Variants in PCDHGA6 observed in about 807,000 individuals in gnomAD.
PCDHGA6 encodes the protein protocadherin gamma subfamily A, 6.
PCDHGA6 carries 41 observed loss-of-function variants against 60.6 expected under a neutral mutation model. That is an observed-to-expected ratio of 0.68 (90% CI 0.53 to 0.88). The LOEUF (loss-of-function observed/expected upper bound fraction) is 0.88, where lower values mean the gene tolerates loss of function less well. Ranked by LOEUF, PCDHGA6 falls within the 40% of genes least tolerant of loss-of-function variation. PCDHGA6 has a pLI of 0.00. For missense variants in PCDHGA6, 1,312 were observed against 1,203.0 expected, an observed-to-expected ratio of 1.09 and a Z score of -1.34; for synonymous variants, 594 against 524.4, an observed-to-expected ratio of 1.13 and a Z score of -1.81.
chr5:141,489,944 T>A lies in PCDHGA6; in HGVS notation c.2425-4863T>A. On this transcript the variant is annotated intron_variant, in intron 1 of 3. Coordinates refer to ENST00000517434, the MANE Select transcript of PCDHGA6 (RefSeq NM_018919.3). The surrounding 1 kb of genome is among the most constrained non-coding windows in gnomAD (Gnocchi z 4.5). ...CTTATCTCTGTCATCGTGCTGGACA[T>A]CAATGATAATGCTCCAACCTTCCAA... 1 of 1,614,172 alleles carries A rather than the reference T, an allele frequency of 6.2e-7. No individual in the cohort carries two copies. The highest frequency in any genetic ancestry group is 8.5e-7 in the Non-Finnish European group (1 of 1,180,010).
intron 1 of PCDHGA6, among the ~76,000 whole-genome samples, chr5:141,473,910 A>G (rs1165685707): frequency 6.6e-6 from 1 of 152,168 alleles, no homozygotes; most frequent in Non-Finnish European, 1.5e-5. Flanking sequence ...AAGAGGTCTT[A>G]AGAAAACTAT....
intron 1 of PCDHGA6, chr5:141,399,316 T>C (rs1281033457): frequency 6.2e-7 from 1 of 1,613,772 alleles, no homozygotes; most frequent in Non-Finnish European, 8.5e-7. Flanking sequence ...ATCCAAAAAT[T>C]CGTATAAGTT....
intron 1 of PCDHGA6, chr5:141,393,020 A>G: frequency 2.5e-6 from 4 of 1,613,760 alleles, no homozygotes; most frequent in Non-Finnish European, 3.4e-6. Flanking sequence ...TCGTCTCCAG[A>G]GGTAGGACGC....
rs1025148587 is a variant in PCDHGA6 at position 141,431,434 on chromosome 5, C to A, written c.2424+54927C>A. ...GGGGCGACCCGGTGCGCACAGGCAC[C>A]GCGCGCATCCGCGTGATGGTTCTGG... On this transcript the variant is annotated intron_variant, in intron 1 of 3. Transcript: ENST00000517434. This position sits in a 1 kb window ranked among gnomAD's most constrained non-coding sequence, Gnocchi z 4.8. 1.2e-6 allele frequency: 2 copies of A among 1,613,690 alleles called. No homozygotes were observed. Among genetic ancestry groups the A allele is most frequent in the Admixed American group, 1.7e-5 (1 of 60,014 alleles).
chr5:141,433,162 A>G, intron 1 of PCDHGA6: 1 of 1,613,890 alleles, frequency 6.2e-7, no homozygotes, highest in Non-Finnish European at 8.5e-7. Flanking sequence ...TATTTTCTAA[A>G]GACAGTCATG....
chr5:141,490,808 A>C lies in PCDHGA6; in HGVS notation c.2425-3999A>C. On this transcript the variant is annotated intron_variant, in intron 1 of 3. Coordinates refer to ENST00000517434, the MANE Select transcript of PCDHGA6 (RefSeq NM_018919.3). The surrounding 1 kb of genome is among the most constrained non-coding windows in gnomAD (Gnocchi z 5.4). The stretch of plus-strand genomic sequence containing the variant: ...CGGATCTTTGCCCAGCGTACCTTTG[A>C]CTATGAATTGCTGCAGATGCTGCAG... 1 of 1,613,884 alleles carries C rather than the reference A, an allele frequency of 6.2e-7. No homozygotes were observed. The highest frequency in any genetic ancestry group is 8.5e-7 in the Non-Finnish European group (1 of 1,179,874).
At chr5:141,384,890 TG>T in intron 1 of PCDHGA6, 1 of 1,613,868 alleles carries the variant, frequency 6.2e-7, no homozygotes, top group Non-Finnish European at 8.5e-7. Flanking sequence ...ACCGTGGCTG[TG>T]GCTGACAGCA....
chr5:141,423,310 G>C, intron 1 of PCDHGA6: 2 of 1,614,180 alleles, frequency 1.2e-6, no homozygotes, highest in Non-Finnish European at 1.7e-6. Context: ...GCTGTACTTG[G>C]TGGTGGCGGT....
Position 141,485,890 on chromosome 5 carries a change from C to G in PCDHGA6, c.2425-8917C>G. 4 of 1,614,156 alleles carry G rather than the reference C, an allele frequency of 2.5e-6. No individual in the cohort carries two copies. Among genetic ancestry groups the G allele is most frequent in the Non-Finnish European group, 2.5e-6 (3 of 1,180,022 alleles). The stretch of plus-strand genomic sequence containing the variant: ...CCGTGCTGGACGTAAACGACAACGC[C>G]CCAGCCTTCCAGCAATCCAGCTACA... On this transcript the variant is annotated intron_variant, in intron 1 of 3. Coordinates refer to ENST00000517434, the MANE Select transcript of PCDHGA6 (RefSeq NM_018919.3). The surrounding 1 kb of genome is among the most constrained non-coding windows in gnomAD (Gnocchi z 5.7).
rs776038796 is a variant in PCDHGA6, at chr5:141,374,065, A to G, written c.-19A>G. On this transcript the variant is annotated 5_prime_UTR_variant, in exon 1 of 4. Transcript: ENST00000517434. Reference sequence around the variant, plus strand: ...TTCTTCCTCTTCTTAATCCCAGAGAAGTTCCTAATAAGCCAGTAATGGCGC... The same window carrying G: ...TTCTTCCTCTTCTTAATCCCAGAGAGGTTCCTAATAAGCCAGTAATGGCGC... 1 of 1,497,724 alleles carries G rather than the reference A, an allele frequency of 6.7e-7. No individual in the cohort carries two copies. Among genetic ancestry groups the G allele is most frequent in the Non-Finnish European group, 8.9e-7 (1 of 1,125,056 alleles). 92.8% of individuals were successfully genotyped at this position (1,497,724 alleles called of 1,614,324 possible). A position where few individuals can be genotyped will look rare whatever the true frequency, so the allele number is the denominator to read the frequency against.
chr5:141,510,307 G>C (rs1250172295), intron 3 of PCDHGA6, among the ~76,000 whole-genome samples: 1 of 151,446 alleles, frequency 6.6e-6, no homozygotes, highest in African/African-American at 2.4e-5. Context: ...TTTTGAAATG[G>C]AGGCTTGGAA....
intron 1 of PCDHGA6, chr5:141,409,926 T>G: frequency 6.2e-7 from 1 of 1,613,344 alleles, no homozygotes; most frequent in Non-Finnish European, 8.5e-7. Flanking sequence ...TCCGCGTTCT[T>G]CGATATGGTA....
At chr5:141,393,769 T>C in intron 1 of PCDHGA6, 2 of 1,613,912 alleles carry the variant, frequency 1.2e-6, no homozygotes, top group Non-Finnish European at 1.7e-6. Flanking sequence ...GAAATGGAAA[T>C]ACAAGCCGAA....
intron 3 of PCDHGA6, 146 bp from the exon 4 acceptor site, chr5:141,510,801 A>G: frequency 6.7e-7 from 1 of 1,489,832 alleles, no homozygotes; most frequent in Non-Finnish European, 9.1e-7. Flanking sequence ...AAGAGAGACT[A>G]CCTTGGTGAC....
At chr5:141,430,907 A>G (rs776543955) in intron 1 of PCDHGA6, 1 of 1,606,916 alleles carries the variant, frequency 6.2e-7, no homozygotes, top group Non-Finnish European at 8.5e-7. Flanking sequence ...CGACATCTCC[A>G]GGGACCTGGG....
chr5:141,418,822 A>C (rs780172404), intron 1 of PCDHGA6: 9 of 1,613,988 alleles, frequency 5.6e-6, no homozygotes, highest in Non-Finnish European at 7.6e-6. Flanking sequence ...ACATAGAAGC[A>C]AAAGACCGAG....
intron 1 of PCDHGA6, chr5:141,419,497 G>T (rs1357823931): frequency 9.9e-6 from 16 of 1,612,390 alleles, no homozygotes; most frequent in Non-Finnish European, 1.4e-5. Context: ...GCGCCAATGT[G>T]AGCCTGCGCG....
chr5:141,404,759 T>C, intron 1 of PCDHGA6: 2 of 1,613,632 alleles, frequency 1.2e-6, no homozygotes, highest in Non-Finnish European at 1.7e-6. Flanking sequence ...CCAGAATGCT[T>C]GGCTCTCCTA....
intron 1 of PCDHGA6, chr5:141,428,284 G>A (rs762469333): frequency 4.2e-5 from 31 of 734,822 alleles, no homozygotes. Flanking sequence ...TGATTCCCAA[G>A]CAAAGCTGCA....
Sources: gnomAD v4.1 joint callset for allele counts (sites outside exome capture counted in the v4.1 genomes callset) on GRCh38, gnomAD v4.1.1 for gene constraint, Gnocchi (gnomAD v3.1) non-coding constraint, MANE v1.5 for transcripts, NCBI Gene and HGNC (gene_info 2026-07-23, HGNC 2026-07-21) for gene names.